Variants in CMTM6 observed in about 807,000 individuals in gnomAD.
CMTM6 encodes CKLF-like MARVEL transmembrane domain-containing protein 6.
In CMTM6, 5 loss-of-function variants were observed where a neutral mutation model predicts 13.6. The ratio of observed to expected loss-of-function variants is 0.37; its 90% CI spans 0.19 to 0.77. CMTM6 has a LOEUF of 0.77. Ranked by LOEUF, CMTM6 falls within the 30% of genes least tolerant of loss-of-function variation. The pLI is 0.50. For missense variants in CMTM6, 196 were observed against 218.6 expected (o/e 0.90, Z 0.65); for synonymous variants, 99 against 84.5 (o/e 1.17, Z -0.94).
intron 2 of CMTM6, among the ~76,000 whole-genome samples, chr3:32,488,956 AAACTCCAC>A (rs1697227891): frequency 6.6e-6 from 1 of 152,174 alleles, no homozygotes; most frequent in Non-Finnish European, 1.5e-5. Flanking sequence ...TCTGAACTGC[AAACTCCAC>A]TAAACCTAAT....
chr3:32,495,619 C>A (rs1697283717), intron 1 of CMTM6, among the ~76,000 whole-genome samples: 1 of 152,184 alleles, frequency 6.6e-6, no homozygotes, highest in South Asian at 2.1e-4. Context: ...CTGAACCACT[C>A]ATTTTACAAT....
chr3:32,494,670 T>C (rs1697274804), intron 1 of CMTM6, among the ~76,000 whole-genome samples: 1 of 152,122 alleles, frequency 6.6e-6, no homozygotes, highest in African/African-American at 2.4e-5. Context: ...CATGGAATAT[T>C]AGCAATAAAA....
At chr3:32,485,377 C>T (rs1303432478) in intron 3 of CMTM6, among the ~76,000 whole-genome samples, 1 of 151,828 alleles carries the variant, frequency 6.6e-6, no homozygotes, top group Non-Finnish European at 1.5e-5. Flanking sequence ...AATATAAATA[C>T]TGGGACAGTC....
chr3:32,485,773 T>C (rs1409869190), intron 3 of CMTM6, among the ~76,000 whole-genome samples: 2 of 152,234 alleles, frequency 1.3e-5, no homozygotes, highest in African/African-American at 2.4e-5. Context: ...GTCATATGAA[T>C]AGATAAATAT....
At chr3:32,494,803 A>C (rs925054897) in intron 1 of CMTM6, among the ~76,000 whole-genome samples, 2 of 152,236 alleles carry the variant, frequency 1.3e-5, no homozygotes, top group East Asian at 1.9e-4. Flanking sequence ...CATTCTTAGA[A>C]TAATAAAAAT....
chr3:32,498,986 G>T (rs901442044), intron 1 of CMTM6, among the ~76,000 whole-genome samples: 4 of 152,060 alleles, frequency 2.6e-5, no homozygotes, highest in Non-Finnish European at 5.9e-5. Flanking sequence ...TTTATAAAAA[G>T]AACTTTTAAA....
chr3:32,487,006 A>G (rs1697210936), intron 3 of CMTM6, among the ~76,000 whole-genome samples: 1 of 152,218 alleles, frequency 6.6e-6, no homozygotes, highest in Admixed American at 6.5e-5. Context: ...TGAGGCAATT[A>G]AACCTCTTTT....
intron 2 of CMTM6, among the ~76,000 whole-genome samples, chr3:32,491,189 C>T (rs531154105): frequency 6.6e-6 from 1 of 152,310 alleles, no homozygotes; most frequent in South Asian, 2.1e-4. Context: ...CACTTATAGA[C>T]AACTTTTCAT....
intron 1 of CMTM6, among the ~76,000 whole-genome samples, chr3:32,502,403 G>A (rs970786833): frequency 3.3e-5 from 5 of 152,252 alleles, no homozygotes; most frequent in Admixed American, 2.6e-4. Context: ...GATCCCGATG[G>A]GGAGAGCCTT....
At chr3:32,502,200 G>GC (rs1228676342) in intron 1 of CMTM6, among the ~76,000 whole-genome samples, 2 of 152,234 alleles carry the variant, frequency 1.3e-5, no homozygotes, top group African/African-American at 4.8e-5. Context: ...CAGGAAAACC[G>GC]CAAGAGCCAG....
rs774298514 is a variant in CMTM6, at chr3:32,488,042, CATA to C, written c.316-9_316-7del. Reference sequence around the variant, plus strand: ...CCCAAAGTAATATAAAAATCCTATGCATACATACAAAACACAAAAGGAATACAA... The same window carrying C: ...CCCAAAGTAATATAAAAATCCTATGCCATACAAAACACAAAAGGAATACAA... On this transcript the variant is annotated splice_polypyrimidine_tract_variant and splice_region_variant and intron_variant, in intron 2 of 3. Coordinates refer to ENST00000205636, the MANE Select transcript of CMTM6 (RefSeq NM_017801.3). 230 of 1,580,278 alleles carry C rather than the reference CATA, an allele frequency of 1.5e-4. 2 individuals carry two copies. In the South Asian group the frequency reaches 2.4e-3, roughly 17 times the overall value.
intron 1 of CMTM6, among the ~76,000 whole-genome samples, 186 bp downstream of exon 1, chr3:32,502,422 G>C (rs1327477624): frequency 6.6e-6 from 1 of 152,246 alleles, no homozygotes; most frequent in East Asian, 1.9e-4. Context: ...TTGGGACTGA[G>C]GGGCCGCCCG....
At chr3:32,491,907 TTTAC>T (rs1697253215) in intron 1 of CMTM6, 21 bp from the exon 2 acceptor site, 18 of 1,580,404 alleles carry the variant, frequency 1.1e-5, no homozygotes, top group Non-Finnish European at 1.5e-5. Context: ...AGCAAAACAT[TTTAC>T]TTAAGTGTTT....
chr3:32,491,875 C>G lies in CMTM6; in HGVS notation c.150G>C (p.Leu50=). The G allele has an allele frequency of 6.2e-7, 1 of 1,605,096 alleles. No individual in the cohort carries two copies. Among genetic ancestry groups the G allele is most frequent in the South Asian group, 1.1e-5 (1 of 89,918 alleles). Residue 50 remains leucine, a synonymous_variant, in exon 2 of 4, where the codon CTG becomes CTC. Coordinates refer to ENST00000205636, the MANE Select transcript of CMTM6 (RefSeq NM_017801.3). ...CAACTTCTTCACAGATGAAGGCCAG[C>G]AGAGACAGCAACTACAAATGAAGCA... is the stretch of plus-strand genomic sequence containing the variant. ...VLKGLQLLLS[L]LAFICEEVVS...
At chr3:32,493,399 G>GA (rs753282036) in intron 1 of CMTM6, among the ~76,000 whole-genome samples, 1 of 152,132 alleles carries the variant, frequency 6.6e-6, no homozygotes, top group Non-Finnish European at 1.5e-5. Flanking sequence ...GGTCCTCACT[G>GA]AAAAAAGAGT....
chr3:32,497,179 C>T (rs569867006), intron 1 of CMTM6, among the ~76,000 whole-genome samples: 1 of 150,212 alleles, frequency 6.7e-6, no homozygotes, highest in Admixed American at 6.6e-5. Flanking sequence ...GTCAGGAGAT[C>T]AAGACCATCC....
intron 2 of CMTM6, 133 bp downstream of exon 2, chr3:32,491,577 C>T: frequency 1.4e-6 from 1 of 705,110 alleles, no homozygotes; most frequent in Non-Finnish European, 2.2e-6. Flanking sequence ...TGCTTAGAAG[C>T]AGAGCGAGTT....
At chr3:32,486,790 G>A (rs1331341322) in intron 3 of CMTM6, among the ~76,000 whole-genome samples, 3 of 152,146 alleles carry the variant, frequency 2.0e-5, no homozygotes, top group African/African-American at 7.2e-5. Flanking sequence ...ACAGGATCAT[G>A]GGGCAGACTC....
chr3:32,488,225 T>C, intron 2 of CMTM6, 189 bp from the exon 3 acceptor site: 2 of 521,066 alleles, frequency 3.8e-6, no homozygotes, highest in African/African-American at 1.9e-5. Context: ...AAAAAAACAG[T>C]ATCCACACTG....
Sources: allele counts gnomAD v4.1 joint callset (sites outside exome capture counted in the v4.1 genomes callset), GRCh38; gene constraint gnomAD v4.1.1; transcripts MANE v1.5; gene names NCBI Gene and HGNC (gene_info 2026-07-23, HGNC 2026-07-21).